GSTZ1: variants seen among roughly 807,000 people sequenced by gnomAD.
The protein encoded by GSTZ1 is glutathione S-transferase zeta 1, also known as maleylacetoacetate isomerase.
In GSTZ1, 34 loss-of-function variants were observed where a neutral mutation model predicts 35.9. That is an observed-to-expected ratio of 0.95 (90% CI 0.72 to 1.26). The LOEUF (loss-of-function observed/expected upper bound fraction) is 1.26. Among genes scored for constraint, GSTZ1 ranks in the 50% most tolerant of loss-of-function variants. The probability of loss-of-function intolerance (pLI) is 0.00; values close to 1 mark genes in which losing one functional copy is unlikely to be tolerated. For missense variants in GSTZ1, 263 were observed against 271.7 expected, an observed-to-expected ratio of 0.97 and a Z score of 0.23; for synonymous variants, 93 against 101.2, an observed-to-expected ratio of 0.92 and a Z score of 0.49.
intron 1 of GSTZ1, chr14:77,321,475 C>A (rs1226042262): frequency 6.7e-7 from 1 of 1,487,832 alleles, no homozygotes; most frequent in East Asian, 2.7e-5. Flanking sequence ...CCATAACAGA[C>A]CCCTCCCTCC....
chr14:77,330,483 G>T, intron 8 of GSTZ1, 124 bp downstream of exon 8: 1 of 784,358 alleles, frequency 1.3e-6, no homozygotes, highest in East Asian at 2.5e-5. Context: ...ACCATGCCAG[G>T]CCACATAGCC....
intron 1 of GSTZ1, chr14:77,322,789 G>C (rs1158279476): frequency 3.7e-6 from 3 of 821,390 alleles, no homozygotes; most frequent in African/African-American, 1.8e-5. Flanking sequence ...GAAGGGCCTA[G>C]GTTCCCACTT....
Position 77,329,406 on chromosome 14 carries a change from C to A in GSTZ1, c.421+205C>A, listed in dbSNP as rs1892498905. On this transcript the variant is annotated intron_variant, in intron 6 of 8. Coordinates refer to ENST00000216465, the MANE Select transcript of GSTZ1 (RefSeq NM_145870.3). The stretch of plus-strand genomic sequence containing the variant: ...CTTCTGGGAACCTCGGTCCCTGAGC[C>A]CACAGCCCTTCATAGCTGGATGGCC... 4.9e-6 allele frequency: 3 copies of A among 606,562 alleles called. No individual in the cohort carries two copies. In the Admixed American group the frequency reaches 8.4e-5, roughly 17 times the overall value. The allele number at this position is 606,562 out of a possible 1,614,324, so 37.6% of individuals were successfully genotyped here.
intron 2 of GSTZ1, chr14:77,325,756 TC>T (rs1892284139): frequency 6.6e-6 from 1 of 152,050 alleles, no homozygotes; most frequent in South Asian, 2.1e-4. Context: ...CCCTCCTCCA[TC>T]CCATAGTCAC....
intron 5 of GSTZ1, 186 bp downstream of exon 5, chr14:77,328,223 G>A (rs189691631): frequency 1.9e-5 from 12 of 637,956 alleles, no homozygotes; most frequent in African/African-American, 7.3e-5. Flanking sequence ...CCCCCCAGCG[G>A]GTCCCCCGCT....
At chr14:77,322,748 G>T (rs1410902141) in intron 1 of GSTZ1, 3 of 981,214 alleles carry the variant, frequency 3.1e-6, no homozygotes, top group African/African-American at 1.7e-5. Flanking sequence ...TTCAGGACAG[G>T]CTGGGACTGC....
intron 2 of GSTZ1, 29 bp downstream of exon 2, chr14:77,324,950 T>G (rs938273316): frequency 1.3e-6 from 2 of 1,590,340 alleles, no homozygotes; most frequent in Non-Finnish European, 1.7e-6. Flanking sequence ...CCAGGATGAG[T>G]GCTGGAGTGG....
intron 1 of GSTZ1, chr14:77,321,603 G>T (rs1435085875): frequency 9.0e-7 from 1 of 1,106,890 alleles, no homozygotes; most frequent in East Asian, 7.2e-5. Context: ...GAGTCCCCGG[G>T]CCGGGCGCGG....
At chr14:77,323,180 G>T (rs1892116776) in intron 1 of GSTZ1, 2 of 152,156 alleles carry the variant, frequency 1.3e-5, no homozygotes, top group African/African-American at 4.8e-5. Flanking sequence ...GGCCAGATAT[G>T]GGCCATGGCA....
chr14:77,329,804 C>A lies in GSTZ1; in HGVS notation c.471C>A (p.Asp157Glu), dbSNP rs548824550. The change falls in exon 7 of 9, where the codon GAC becomes GAA. Residue 157 changes from aspartate to glutamate, a missense_variant. Asp to Glu is a conservative substitution (Grantham distance 45). Coordinates refer to ENST00000216465, the MANE Select transcript of GSTZ1 (RefSeq NM_145870.3). ...CAGCGGGCATATACTGTGTAGGAGA[C>A]GAGGTAAGCTGTCCCCAGACCTCCC... ...QSTAGIYCVG[D>E]EVTMADLCLV... 9 of 1,612,528 alleles carry A rather than the reference C, an allele frequency of 5.6e-6. No individual in the cohort carries two copies. Among genetic ancestry groups the A allele is most frequent in the Non-Finnish European group, 7.6e-6 (9 of 1,178,552 alleles).
intron 6 of GSTZ1, 121 bp downstream of exon 6, chr14:77,329,322 A>T (rs1452942027): frequency 4.0e-6 from 3 of 748,430 alleles, no homozygotes; most frequent in Admixed American, 2.0e-5. Flanking sequence ...AGTTGCATGG[A>T]TGAGGGCAGG....
In GSTZ1 at chr14:77,321,046, C is replaced by A; in HGVS notation, c.-123C>A. The A allele has an allele frequency of 9.2e-7, 1 of 1,082,732 alleles. No individual in the cohort carries two copies. Among genetic ancestry groups the A allele is most frequent in the South Asian group, 1.7e-5 (1 of 58,220 alleles). 67.1% of individuals were successfully genotyped at this position (1,082,732 alleles called of 1,614,324 possible). ...ACCGGAAGGATCTTTCTAGTCCAGC[C>A]CCTCGCTTTACCCGGACGAAAGACA... On this transcript the variant is annotated 5_prime_UTR_variant, in exon 1 of 9. Coordinates refer to ENST00000216465, the MANE Select transcript of GSTZ1 (RefSeq NM_145870.3).
At chr14:77,325,050 C>T in intron 2 of GSTZ1, 129 bp downstream of exon 2, 1 of 751,216 alleles carries the variant, frequency 1.3e-6, no homozygotes, top group Non-Finnish European at 2.4e-6. Context: ...CAGCAACCAG[C>T]ATCCCCCGGC....
chr14:77,329,564 C>G, intron 6 of GSTZ1, 191 bp from the exon 7 acceptor site: 2 of 609,916 alleles, frequency 3.3e-6, no homozygotes, highest in East Asian at 2.8e-5. Context: ...ATTGTCTGTG[C>G]GGAGCCTCAG....
At chr14:77,328,068 C>T (rs1424170675) in intron 5 of GSTZ1, 31 bp downstream of exon 5, 2 of 1,610,026 alleles carry the variant, frequency 1.2e-6, no homozygotes, top group South Asian at 1.1e-5. Flanking sequence ...CACCCTTGCA[C>T]ACCTGACACA....
At chr14:77,328,874 A>C (rs568775140) in intron 5 of GSTZ1, 1 of 563,196 alleles carries the variant, frequency 1.8e-6, no homozygotes, top group South Asian at 2.0e-5. Context: ...GGATTCTTGC[A>C]CATCTCTGAC....
chr14:77,324,878 C>T lies in GSTZ1; in HGVS notation c.24C>T (p.Leu8=), dbSNP rs541178971. MQAGKPI[L]YSYFRSSCSW... ...ATCCTCTCTCTCCTCAGCCCATCCT[C>T]TATTCCTATTTCCGAAGCTCCTGCT... Residue 8 remains leucine, a synonymous_variant, in exon 2 of 9, where the codon CTC becomes CTT. Coordinates refer to ENST00000216465, the MANE Select transcript of GSTZ1 (RefSeq NM_145870.3). 1.2e-6 allele frequency: 2 copies of T among 1,614,132 alleles called. No homozygotes were observed. Among genetic ancestry groups the T allele is most frequent in the South Asian group, 2.2e-5 (2 of 91,088 alleles).
chr14:77,324,362 G>C (rs1428687444), intron 1 of GSTZ1: 11 of 555,442 alleles, frequency 2.0e-5, no homozygotes, highest in Middle Eastern at 4.8e-4. Flanking sequence ...GGCCAGGCTG[G>C]TCTCAAACTC....
At chr14:77,324,477 C>A in intron 1 of GSTZ1, 1 of 796,386 alleles carries the variant, frequency 1.3e-6, no homozygotes, top group Non-Finnish European at 2.1e-6. Context: ...AGTCAAAGTT[C>A]CCCCAATGCC....
Sources: gnomAD v4.1 joint callset for allele counts on GRCh38, gnomAD v4.1.1 for gene constraint, MANE v1.5 for transcripts, NCBI Gene and HGNC (gene_info 2026-07-23, HGNC 2026-07-21) for gene names.